Variants in DNAH12 observed in about 807,000 individuals in gnomAD.
DNAH12 encodes dynein axonemal heavy chain 12, also known as axonemal beta dynein heavy chain 12.
DNAH12 carries 285 observed loss-of-function variants against 371.5 expected under a neutral mutation model. The ratio of observed to expected loss-of-function variants is 0.77; its 90% CI spans 0.70 to 0.85. The LOEUF (loss-of-function observed/expected upper bound fraction) is 0.85, where lower values mean the gene tolerates loss of function less well. DNAH12 is among the 40% of genes least tolerant of loss of function. The pLI is 0.00. For synonymous variants in DNAH12, 1,200 were observed against 1,213.0 expected (o/e 0.99, Z 0.22); for missense variants, 3,611 against 3,689.4 (o/e 0.98, Z 0.55).
At chr3:57,546,624 A>T (rs549852286), upstream of DNAH12, among the ~76,000 whole-genome samples, 3 of 152,312 alleles carry the variant, frequency 2.0e-5, no homozygotes, top group Non-Finnish European at 4.4e-5. Flanking sequence ...GATTATAGGC[A>T]TGAGCCACCA....
intron 22 of DNAH12, 44 bp from the exon 23 acceptor site, chr3:57,454,938 G>GA (rs1200969483): frequency 6.6e-6 from 10 of 1,524,570 alleles, no homozygotes; most frequent in East Asian, 2.5e-5. Context: ...GCTTGAATGA[G>GA]AAAAAATAGC....
At chr3:57,459,905 T>G (rs1374893150) in intron 19 of DNAH12, 119 bp from the exon 20 acceptor site, 1 of 879,970 alleles carries the variant, frequency 1.1e-6, no homozygotes, top group Non-Finnish European at 1.5e-6. Flanking sequence ...ATCTCACAGC[T>G]TAAGGTTACT....
At chr3:57,379,918 C>CA (rs2063354331) in intron 51 of DNAH12, among the ~76,000 whole-genome samples, 1 of 116,006 alleles carries the variant, frequency 8.6e-6, no homozygotes, top group Non-Finnish European at 1.8e-5. Context: ...AACAATTAAA[C>CA]ATTAAGAATA....
intron 37 of DNAH12, among the ~76,000 whole-genome samples, chr3:57,417,651 G>C (rs1414318087): frequency 1.3e-5 from 2 of 152,094 alleles, no homozygotes; most frequent in Non-Finnish European, 2.9e-5. Flanking sequence ...TTTGTCACCA[G>C]TAGAAATCAT....
chr3:57,464,100 G>A (rs1394755123), intron 17 of DNAH12, among the ~76,000 whole-genome samples: 1 of 151,996 alleles, frequency 6.6e-6, no homozygotes, highest in Admixed American at 6.6e-5. Context: ...GGTCAAAGTG[G>A]ACAACCAGCT....
At position 57,453,412 on chromosome 3, in the gene DNAH12, T is replaced by TAA. The variant is rs367839282; in HGVS notation, c.3457-11_3457-10dup. The TAA allele has an allele frequency of 0.029, 40,380 of 1,368,916 alleles. 194 individuals are homozygous for TAA. The highest frequency in any genetic ancestry group is 0.035 in the Middle Eastern group (183 of 5,242). 84.8% of individuals were successfully genotyped at this position (1,368,916 alleles called of 1,614,324 possible). On this transcript the variant is annotated splice_polypyrimidine_tract_variant and intron_variant, in intron 23 of 73. Coordinates refer to ENST00000495027, the MANE Select transcript of DNAH12 (RefSeq NM_001366028.2). Reference sequence around the variant, plus strand: ...TAATACTTCTTTAATCCCTACAAAATAAAAAAAAAAGCAATCTAATTGATG... The same window carrying TAA: ...TAATACTTCTTTAATCCCTACAAAATAAAAAAAAAAAAGCAATCTAATTGATG...
chr3:57,415,349 T>C, intron 38 of DNAH12, 77 bp downstream of exon 38: 1 of 1,485,016 alleles, frequency 6.7e-7, no homozygotes, highest in Non-Finnish European at 9.0e-7. Flanking sequence ...GTTGCTTATT[T>C]AATGTACAAT....
At chr3:57,398,525 A>C (rs2063791214) in intron 43 of DNAH12, among the ~76,000 whole-genome samples, 2 of 152,250 alleles carry the variant, frequency 1.3e-5, no homozygotes, top group African/African-American at 4.8e-5. Context: ...AGTCAGATAC[A>C]AAGAGAAAAT....
chr3:57,359,140 ATACT>A (rs2062865140), intron 58 of DNAH12, among the ~76,000 whole-genome samples: 2 of 152,248 alleles, frequency 1.3e-5, no homozygotes, highest in Non-Finnish European at 1.5e-5. Context: ...TGATCTATGC[ATACT>A]TACAGTGTTT....
At chr3:57,350,246 T>C (rs893109866) in intron 60 of DNAH12, among the ~76,000 whole-genome samples, 1 of 152,066 alleles carries the variant, frequency 6.6e-6, no homozygotes, top group Non-Finnish European at 1.5e-5. Context: ...AACTTATTCA[T>C]GTAACCAAAC....
rs1254731662 is a variant in DNAH12 at position 57,382,276 on chromosome 3, C to G, written c.7978G>C (p.Gly2660Arg). The G allele has an allele frequency of 1.3e-5, 2 of 152,104 alleles. No individual in the cohort carries two copies. The highest frequency in any genetic ancestry group is 4.8e-5 in the African/African-American group (2 of 41,422). The allele number at this position is 152,104 out of a possible 1,614,324, so 9.4% of individuals were successfully genotyped here. ...IKPEKISDPS[G>R]TGGKILDYWG... Reference sequence around the variant, plus strand: ...CAAGTTATTACCTTGCCTCCAGTCCCTGAAGGATCTGAAATTTTTTCTGGT... The same window carrying G: ...CAAGTTATTACCTTGCCTCCAGTCCGTGAAGGATCTGAAATTTTTTCTGGT... Residue 2660 changes from glycine to arginine, a missense_variant, in exon 50 of 74, where the codon GGG becomes CGG. By Grantham distance (125) the Gly-to-Arg change is moderately radical. Around this residue, in one of 3 missense-constraint regions of DNAH12, gnomAD observed 2,266 missense variants for 2,236.9 expected, o/e 1.01. Transcript: ENST00000495027.
intron 11 of DNAH12, among the ~76,000 whole-genome samples, chr3:57,499,642 AAAAAAATATATATAT>A (rs1267173181): frequency 1.5e-4 from 6 of 40,478 alleles, no homozygotes; most frequent in Non-Finnish European, 2.1e-4. Flanking sequence ...AAAAAAAAAA[AAAAAAATATATATAT>A]ATATATATAT....
intron 35 of DNAH12, 56 bp from the exon 36 acceptor site, chr3:57,421,762 AG>A (rs772214884): frequency 6.5e-7 from 1 of 1,541,440 alleles, no homozygotes; most frequent in South Asian, 1.2e-5. Flanking sequence ...GCATTTTAGG[AG>A]AAACATTAAC....
chr3:57,510,852 A>T lies in DNAH12; in HGVS notation c.407T>A (p.Leu136His), dbSNP rs1323435699. ...CACCTCATTTATGAGACTTTCAAGA[A>T]GTTCTTCTCTTTCTTTCCCTTCCTT... ...SLKEGKEREELLESLINEVSS... is the reference protein window; with the variant it reads ...SLKEGKEREEHLESLINEVSS... The change falls in exon 5 of 74, where the codon CTT (leucine) becomes CAT (histidine). Residue 136 changes from leucine to histidine, a missense_variant. Leu to His is a moderately conservative substitution (Grantham distance 99, BLOSUM62 -3). This residue lies in a region of DNAH12 where 1,314 missense variants were observed against 1,398.7 expected (regional missense o/e 0.94). Coordinates refer to ENST00000495027, the MANE Select transcript of DNAH12 (RefSeq NM_001366028.2). 10 of 1,613,904 alleles carry T rather than the reference A, an allele frequency of 6.2e-6. No homozygotes were observed. Among genetic ancestry groups the T allele is most frequent in the Non-Finnish European group, 7.6e-6 (9 of 1,180,008 alleles).
At chr3:57,464,418 C>A (rs984092648) in intron 17 of DNAH12, among the ~76,000 whole-genome samples, 3 of 152,080 alleles carry the variant, frequency 2.0e-5, no homozygotes, top group Non-Finnish European at 4.4e-5. Flanking sequence ...TTAAGGGCAG[C>A]GCTCCCATCA....
chr3:57,407,684 G>A (rs1055553777), intron 40 of DNAH12, among the ~76,000 whole-genome samples: 5 of 152,058 alleles, frequency 3.3e-5, no homozygotes, highest in Non-Finnish European at 5.9e-5. Context: ...TAGAGATGAG[G>A]CTGGCTCTAG....
At chr3:57,440,441 G>A (rs1193108123) in intron 29 of DNAH12, among the ~76,000 whole-genome samples, 2 of 152,152 alleles carry the variant, frequency 1.3e-5, no homozygotes, top group Admixed American at 1.3e-4. Flanking sequence ...ACCAAATACT[G>A]CATGTTCTCA....
chr3:57,334,762 C>A lies in DNAH12; in HGVS notation c.9833+20G>T. On this transcript the variant is annotated intron_variant, in intron 61 of 73. Transcript: ENST00000495027. The stretch of plus-strand genomic sequence containing the variant: ...TACATATTGCCATTCAATGATAAAT[C>A]ATCGAATTTAAACAATCACCTGAGT... 6.5e-7 allele frequency: 1 copy of A among 1,531,632 alleles called. No individual in the cohort carries two copies. 94.9% of individuals were successfully genotyped at this position (1,531,632 alleles called of 1,614,324 possible).
intron 29 of DNAH12, among the ~76,000 whole-genome samples, chr3:57,439,302 A>G (rs950611168): frequency 1.3e-5 from 2 of 152,208 alleles, no homozygotes; most frequent in African/African-American, 4.8e-5. Flanking sequence ...CCCAACTTCA[A>G]ACTATAAGAT....
Sources: allele counts gnomAD v4.1 joint callset (sites outside exome capture counted in the v4.1 genomes callset), GRCh38; gene constraint gnomAD v4.1.1; regional missense constraint gnomAD v4.1.1; transcripts MANE v1.5; gene names NCBI Gene and HGNC (gene_info 2026-07-23, HGNC 2026-07-21).